The following C5 variants were observed in gnomAD, a reference collection of about 807,000 sequenced individuals.
C5 encodes C3 and PZP-like alpha-2-macroglobulin domain-containing protein 4.
A neutral mutation model predicts 218.8 loss-of-function variants in C5; 140 were observed. The ratio of observed to expected loss-of-function variants is 0.64; its 90% confidence interval spans 0.56 to 0.74. The LOEUF (loss-of-function observed/expected upper bound fraction) is 0.74, where lower values mean the gene tolerates loss of function less well. Ranked by LOEUF, C5 falls within the 30% of genes least tolerant of loss-of-function variation. The pLI is 0.00. For synonymous variants in C5, 614 were observed against 682.3 expected (o/e 0.90, Z 1.56); for missense variants, 1,700 against 1,969.6 (o/e 0.86, Z 2.59).
intron 27 of C5, among the ~76,000 whole-genome samples, chr9:120,980,982 A>C (rs1307908473): frequency 6.6e-6 from 1 of 152,256 alleles, no homozygotes; most frequent in Non-Finnish European, 1.5e-5. Flanking sequence ...AAAATAAATA[A>C]ATAAAACAAT....
chr9:120,962,638 C>A (rs537359464), intron 36 of C5, 33 bp downstream of exon 36: 9 of 1,442,526 alleles, frequency 6.2e-6, no homozygotes, highest in Admixed American at 1.7e-5. Flanking sequence ...ACAAAGTATT[C>A]TTCTGAAGAA....
chr9:121,051,991 A>G (rs1213156006), upstream of C5, among the ~76,000 whole-genome samples: 1 of 152,252 alleles, frequency 6.6e-6, no homozygotes, highest in Non-Finnish European at 1.5e-5. Flanking sequence ...TGAGCTATAG[A>G]GTAAATACTG....
At chr9:121,069,669 C>T in the C5 span, among the ~76,000 whole-genome samples, 1 of 151,944 alleles carries the variant, frequency 6.6e-6, no homozygotes, top group African/African-American at 2.4e-5. Flanking sequence ...AGTGCCATCA[C>T]ACCCAGCTAA....
chr9:120,990,060 T>C (rs1399294577), intron 23 of C5, among the ~76,000 whole-genome samples: 1 of 152,214 alleles, frequency 6.6e-6, no homozygotes, highest in African/African-American at 2.4e-5. Context: ...TTAGTTGCCA[T>C]TCAACCTGTT....
intron 14 of C5, 124 bp downstream of exon 14, chr9:121,017,238 T>C (rs1259825098): frequency 6.9e-6 from 8 of 1,165,552 alleles, no homozygotes; most frequent in Non-Finnish European, 1.0e-5. Flanking sequence ...TTTACCTTCC[T>C]AAAAATGAGT....
At chr9:121,002,250 A>ATG (rs1587971611) in intron 20 of C5, among the ~76,000 whole-genome samples, 3 of 47,186 alleles carry the variant, frequency 6.4e-5, no homozygotes, top group East Asian at 1.1e-3. Context: ...ATATGTATAT[A>ATG]TATGTATATA....
chr9:121,055,470 G>A, the C5 span, among the ~76,000 whole-genome samples: 1 of 152,016 alleles, frequency 6.6e-6, no homozygotes. Context: ...CTTGGGGAGA[G>A]ATTCCTTCTG....
At chr9:120,970,078 G>T in intron 32 of C5, 92 bp downstream of exon 32, 1 of 875,644 alleles carries the variant, frequency 1.1e-6, no homozygotes. Flanking sequence ...CACTTTTTGA[G>T]TAAGCACATT....
In C5 at chr9:120,953,880, G is replaced by A. The variant is rs745886311; in HGVS notation, c.4763-12C>T. ...AGCAACAGCTTCCCCTGAGAGACAT[G>A]CAAGTCAAGTAAGGTTATACCATTC... On this transcript the variant is annotated splice_polypyrimidine_tract_variant and intron_variant, in intron 39 of 40. Coordinates refer to ENST00000223642, the MANE Select transcript of C5 (RefSeq NM_001735.3). 17 of 1,613,506 alleles carry A rather than the reference G, an allele frequency of 1.1e-5. No homozygotes were observed. The Admixed American group carries it at 2.8e-4, about 27-fold the overall frequency.
chr9:121,002,237 T>C (rs1329537404), intron 20 of C5, among the ~76,000 whole-genome samples: 5 of 54,346 alleles, frequency 9.2e-5, no homozygotes, highest in Non-Finnish European at 1.8e-4. Context: ...TATGTATATA[T>C]GTATATGTAT....
rs1465377420 is a variant in C5 at position 120,997,707 on chromosome 9, C to A, written c.2630G>T (p.Gly877Val). 1 of 1,614,150 alleles carries A rather than the reference C, an allele frequency of 6.2e-7. No individual in the cohort carries two copies. The highest frequency in any genetic ancestry group is 1.1e-5 in the South Asian group (1 of 91,084). ...GCGCACACATTTGGAGGACTTTGTG[C>A]CCTGATGATCAATGACTGGGCTTTC... Reference protein sequence around the residue: ...TSESPVIDHQGTKSSKCVRQK... With the variant: ...TSESPVIDHQVTKSSKCVRQK... Residue 877 changes from glycine (G) to valine (V), a missense_variant, in exon 21 of 41, where the codon GGC becomes GTC. Transcript: ENST00000223642.
chr9:121,044,690 T>A (rs1454990650), intron 2 of C5, among the ~76,000 whole-genome samples: 1 of 152,294 alleles, frequency 6.6e-6, no homozygotes, highest in South Asian at 2.1e-4. Context: ...TTGCCCCACC[T>A]TAATCTAGTT....
At chr9:120,971,185 A>G (rs1486213683) in intron 31 of C5, among the ~76,000 whole-genome samples, 1 of 151,124 alleles carries the variant, frequency 6.6e-6, no homozygotes, top group South Asian at 2.1e-4. Context: ...AAAAAAAAAA[A>G]AAAGAAAAAA....
rs1309652236 is a variant in C5, at chr9:121,021,703, C to T, written c.1117-9G>A. On this transcript the variant is annotated splice_polypyrimidine_tract_variant and intron_variant, in intron 10 of 40. Transcript: ENST00000223642. ...GAATCTTTAACCTGCACCTGTTTGTCAAAACAATCCAAATCTATTTCAACA... is the reference window on the plus strand; with the variant it reads ...GAATCTTTAACCTGCACCTGTTTGTTAAAACAATCCAAATCTATTTCAACA... The T allele has an allele frequency of 6.2e-7, 1 of 1,607,728 alleles. No homozygotes were observed. The highest frequency in any genetic ancestry group is 2.2e-5 in the East Asian group (1 of 44,842).
In C5 at chr9:121,017,349, T is replaced by C; in HGVS notation, c.1866+13A>G. On this transcript the variant is annotated intron_variant, in intron 14 of 40. Coordinates refer to ENST00000223642, the MANE Select transcript of C5 (RefSeq NM_001735.3). The stretch of plus-strand genomic sequence containing the variant: ...CTTCATGCAACACTGCAGCGAGACA[T>C]GCATTACTTAACTCTTTCCAAGGGC... The C allele has an allele frequency of 3.7e-6, 6 of 1,613,466 alleles. No individual in the cohort carries two copies. The highest frequency in any genetic ancestry group is 5.1e-6 in the Non-Finnish European group (6 of 1,179,782).
intron 1 of C5, among the ~76,000 whole-genome samples, chr9:121,049,248 G>A (rs943777641): frequency 1.3e-5 from 2 of 152,138 alleles, no homozygotes; most frequent in African/African-American, 4.8e-5. Flanking sequence ...AATAAGTCTG[G>A]ACAAGAATCA....
At chr9:120,986,660 C>T (rs2047035340) in intron 25 of C5, among the ~76,000 whole-genome samples, 1 of 143,126 alleles carries the variant, frequency 7.0e-6, no homozygotes, top group Non-Finnish European at 1.5e-5. Flanking sequence ...TTTCCCAGGT[C>T]CTGCTGTGTC....
intron 6 of C5, 75 bp downstream of exon 6, chr9:121,032,037 TG>T: frequency 1.2e-6 from 1 of 853,226 alleles, no homozygotes; most frequent in Non-Finnish European, 1.9e-6. Context: ...CACTCCAGCC[TG>T]GGCAACAGAG....
chr9:121,049,967 T>A (rs953933617), intron 1 of C5, among the ~76,000 whole-genome samples: 9 of 152,200 alleles, frequency 5.9e-5, no homozygotes, highest in African/African-American at 1.9e-4. Flanking sequence ...TTAACGTAAA[T>A]TTTAATAAAT....
Sources: allele counts gnomAD v4.1 joint callset (sites outside exome capture counted in the v4.1 genomes callset), GRCh38; gene constraint gnomAD v4.1.1; transcripts MANE v1.5; gene names NCBI Gene and HGNC (gene_info 2026-07-23, HGNC 2026-07-21).